Variants in SUGCT observed in about 807,000 individuals in gnomAD.
SUGCT encodes the protein succinyl-CoA:glutarate CoA-transferase.
In SUGCT, 41 loss-of-function variants were observed where a neutral mutation model predicts 55.0. The ratio of observed to expected loss-of-function variants is 0.74; its 90% CI spans 0.58 to 0.97. The LOEUF (loss-of-function observed/expected upper bound fraction) is 0.97, where lower values mean the gene tolerates loss of function less well. Among genes scored for constraint, SUGCT ranks in the 50% least tolerant of loss-of-function variants. The probability of loss-of-function intolerance (pLI) is 0.00; values close to 1 mark genes in which losing one functional copy is unlikely to be tolerated. For synonymous variants in SUGCT, 187 were observed against 200.4 expected (o/e 0.93, Z 0.56); for missense variants, 568 against 547.8 (o/e 1.04, Z -0.37).
At chr7:40,909,383 G>A in the SUGCT span, among the ~76,000 whole-genome samples, 1 of 152,156 alleles carries the variant, frequency 6.6e-6, no homozygotes, top group Non-Finnish European at 1.5e-5. Context: ...CTGCTCTGAA[G>A]CATGGCTACA....
rs118184816 is a variant in SUGCT, at chr7:40,484,337, C to T, written c.987-11947C>T. On this transcript the variant is annotated intron_variant, in intron 11 of 13. Transcript: ENST00000335693. ...TCTTGAAAGAATCAGTTCATAAAAT[C>T]GTTGCCAATATTATGAGACATTTTG... is the stretch of plus-strand genomic sequence containing the variant. Among the ~76,000 whole-genome samples, 742 of 152,202 alleles carry T rather than the reference C, an allele frequency of 4.9e-3. 6 individuals carry two copies. Among genetic ancestry groups the T allele is most frequent in the Non-Finnish European group, 6.9e-3 (468 of 68,012 alleles).
intron 12 of SUGCT, among the ~76,000 whole-genome samples, chr7:40,744,025 G>A (rs7794957): frequency 0.024 from 3,706 of 151,952 alleles, 171 homozygotes; most frequent in East Asian, 0.091. Context: ...GGGTTCAAGC[G>A]ATTCTCCTGT....
intron 7 of SUGCT, among the ~76,000 whole-genome samples, chr7:40,258,441 C>T (rs376649540): frequency 5.3e-5 from 8 of 152,108 alleles, no homozygotes; most frequent in Non-Finnish European, 1.0e-4. Context: ...TGCAATGGCG[C>T]GATCTTGGCT....
chr7:40,465,540 G>C (rs1363855791), intron 11 of SUGCT, among the ~76,000 whole-genome samples: 1 of 152,042 alleles, frequency 6.6e-6, no homozygotes, highest in Non-Finnish European at 1.5e-5. Flanking sequence ...AACCCGGGAG[G>C]CGGAGGTTGC....
chr7:40,902,996 C>G, the SUGCT span, among the ~76,000 whole-genome samples: 1 of 152,128 alleles, frequency 6.6e-6, no homozygotes, highest in South Asian at 2.1e-4. Context: ...TCTCCTGACT[C>G]CAAATCAAAT....
At chr7:40,972,067 T>C in the SUGCT span, among the ~76,000 whole-genome samples, 1 of 152,332 alleles carries the variant, frequency 6.6e-6, no homozygotes, top group African/African-American at 2.4e-5. Flanking sequence ...TTTATATATA[T>C]ATACACCTGT....
Position 40,614,539 on chromosome 7 carries a change from A to G in SUGCT, c.1089+118153A>G, listed in dbSNP as rs1022054827. Among the ~76,000 whole-genome samples the G allele has an allele frequency of 2.0e-5, 3 of 152,176 alleles. No individual in the cohort carries two copies. In the South Asian group the frequency reaches 6.2e-4, roughly 31 times the overall value. On this transcript the variant is annotated intron_variant, in intron 12 of 13. Coordinates refer to ENST00000335693, the MANE Select transcript of SUGCT (RefSeq NM_001193313.2). ...GTTTATGCAGTAGTCATTGCTATAG[A>G]TGGAAATAGGGAAAGGTGCACCAGC...
intron 13 of SUGCT, among the ~76,000 whole-genome samples, chr7:40,817,897 T>A (rs2128763764): frequency 1.3e-5 from 2 of 152,262 alleles, no homozygotes; most frequent in Middle Eastern, 3.4e-3. Flanking sequence ...ATCTGCAGAG[T>A]CAAATATTAC....
At chr7:40,983,254 C>A in the SUGCT span, among the ~76,000 whole-genome samples, 1 of 152,150 alleles carries the variant, frequency 6.6e-6, no homozygotes, top group Non-Finnish European at 1.5e-5. Context: ...CTGAGGCCTT[C>A]TCACCCCATG....
chr7:40,322,351 G>T (rs1315867896), intron 9 of SUGCT, among the ~76,000 whole-genome samples: 1 of 152,126 alleles, frequency 6.6e-6, no homozygotes, highest in Non-Finnish European at 1.5e-5. Context: ...TCTAGTGCAG[G>T]CACAGTCTTT....
At chr7:40,161,385 A>G (rs930608825) in intron 1 of SUGCT, among the ~76,000 whole-genome samples, 4 of 152,108 alleles carry the variant, frequency 2.6e-5, no homozygotes, top group African/African-American at 9.7e-5. Flanking sequence ...TTTTTGTGTC[A>G]AGAGGCTCTT....
the SUGCT span, among the ~76,000 whole-genome samples, chr7:40,976,785 C>T: frequency 6.6e-6 from 1 of 152,196 alleles, no homozygotes; most frequent in Non-Finnish European, 1.5e-5. Context: ...CACCAGAGGT[C>T]ACACAGACCC....
At chr7:40,568,903 C>T (rs1302881997) in intron 12 of SUGCT, among the ~76,000 whole-genome samples, 3 of 152,168 alleles carry the variant, frequency 2.0e-5, no homozygotes, top group Non-Finnish European at 4.4e-5. Flanking sequence ...TGAATCCTGG[C>T]TCTGCTATTT....
At chr7:40,501,158 CAT>C (rs1449719884) in intron 12 of SUGCT, among the ~76,000 whole-genome samples, 3 of 152,076 alleles carry the variant, frequency 2.0e-5, no homozygotes, top group Admixed American at 2.0e-4. Flanking sequence ...GAGATAAAAA[CAT>C]AAATTTTATG....
intron 9 of SUGCT, among the ~76,000 whole-genome samples, chr7:40,441,980 T>G (rs1406465115): frequency 3.3e-5 from 5 of 152,100 alleles, no homozygotes; most frequent in African/African-American, 1.2e-4. Context: ...CTCATGGGTC[T>G]GGGTAGAGTT....
At chr7:40,999,350 T>G in the SUGCT span, among the ~76,000 whole-genome samples, 1 of 152,150 alleles carries the variant, frequency 6.6e-6, no homozygotes, top group African/African-American at 2.4e-5. Flanking sequence ...GTCTTTCAAT[T>G]CTTTCATGCC....
chr7:40,864,525 A>G (rs1050428126), downstream of SUGCT, among the ~76,000 whole-genome samples: 7 of 152,114 alleles, frequency 4.6e-5, no homozygotes, highest in African/African-American at 1.7e-4. Context: ...GAGCAGAAGC[A>G]ACTCCACTAG....
intron 9 of SUGCT, among the ~76,000 whole-genome samples, chr7:40,403,682 G>T (rs1277310564): frequency 6.6e-6 from 1 of 152,128 alleles, no homozygotes; most frequent in African/African-American, 2.4e-5. Flanking sequence ...AGTTTCTGAG[G>T]CTGCCATATC....
At chr7:40,976,183 C>A in the SUGCT span, among the ~76,000 whole-genome samples, 1 of 152,184 alleles carries the variant, frequency 6.6e-6, no homozygotes, top group Non-Finnish European at 1.5e-5. Flanking sequence ...TCTATTTACT[C>A]TTGGAGGAGG....
Sources: allele counts gnomAD v4.1 joint callset (sites outside exome capture counted in the v4.1 genomes callset), GRCh38; gene constraint gnomAD v4.1.1; transcripts MANE v1.5; gene names NCBI Gene and HGNC (gene_info 2026-07-23, HGNC 2026-07-21).